ERICH6: variants seen among roughly 807,000 people sequenced by gnomAD.
ERICH6 encodes the protein glutamate rich 6, also known as glutamate-rich protein 6.
Under a neutral mutation model 71.0 loss-of-function variants are expected in ERICH6, and 71 were observed. The ratio of observed to expected loss-of-function variants is 1.00; its 90% confidence interval spans 0.83 to 1.22. ERICH6 has a LOEUF of 1.22. ERICH6 is among the 50% of genes most tolerant of loss of function. The probability of loss-of-function intolerance (pLI) is 0.00; values close to 1 mark genes in which losing one functional copy is unlikely to be tolerated. For missense variants in ERICH6, 808 were observed against 797.2 expected (o/e 1.01, Z -0.16); for synonymous variants, 262 against 278.4 (o/e 0.94, Z 0.59).
intron 3 of ERICH6, among the ~76,000 whole-genome samples, chr3:150,691,040 A>G (rs112814113): frequency 1.8e-4 from 28 of 152,232 alleles, no homozygotes; most frequent in African/African-American, 6.5e-4. Flanking sequence ...AGTTCAGCGT[A>G]TGCCCAGGAA....
intron 8 of ERICH6, 105 bp from the exon 9 acceptor site, chr3:150,680,643 C>A: frequency 6.4e-7 from 1 of 1,556,088 alleles, no homozygotes; most frequent in South Asian, 1.2e-5. Context: ...TCTGTTTGAT[C>A]TGTTATTACT....
At chr3:150,673,450 A>G (rs1024394666) in intron 11 of ERICH6, among the ~76,000 whole-genome samples, 18 of 152,074 alleles carry the variant, frequency 1.2e-4, no homozygotes, top group African/African-American at 4.1e-4. Flanking sequence ...CAGCCTCCCA[A>G]AGTGCTGGGA....
chr3:150,702,504 C>G (rs967816109), intron 1 of ERICH6, among the ~76,000 whole-genome samples: 7 of 152,078 alleles, frequency 4.6e-5, no homozygotes, highest in African/African-American at 1.7e-4. Flanking sequence ...TCTCGATCTC[C>G]CGACCTCGTG....
chr3:150,686,411 A>G, intron 3 of ERICH6, 57 bp from the exon 4 acceptor site: 1 of 1,399,886 alleles, frequency 7.1e-7, no homozygotes. Flanking sequence ...GAAGCTGAAT[A>G]TAAAAGAAAA....
chr3:150,680,660 T>A, intron 8 of ERICH6, 113 bp downstream of exon 8: 1 of 1,554,492 alleles, frequency 6.4e-7, no homozygotes, highest in Non-Finnish European at 8.7e-7. Context: ...TACTTGTGAA[T>A]CTAGGAAATA....
intron 6 of ERICH6, among the ~76,000 whole-genome samples, chr3:150,683,193 C>T (rs890983318): frequency 3.9e-5 from 6 of 152,196 alleles, no homozygotes; most frequent in Non-Finnish European, 7.3e-5. Context: ...TTCACTACCC[C>T]AGAGTAATGT....
At position 150,685,988 on chromosome 3, in the gene ERICH6, A is replaced by C; in HGVS notation, c.644T>G (p.Leu215Arg). Residue 215 changes from leucine to arginine, a missense_variant, in exon 5 of 14, where the codon CTA (leucine) becomes CGA (arginine). This residue lies in a region of ERICH6 where 736 missense variants were observed against 712.2 expected (regional missense o/e 1.03). Transcript: ENST00000295910. The part of the protein sequence containing the change: ...KWVINPEESK[L>R]NILYELEFKE... Reference sequence around the variant, plus strand: ...TACCTCCAGCTCATATAAAATATTTAGTTTCGACTCTTCTGGATTAATTAC... The same window carrying C: ...TACCTCCAGCTCATATAAAATATTTCGTTTCGACTCTTCTGGATTAATTAC... 6.2e-7 allele frequency: 1 copy of C among 1,604,116 alleles called. No homozygotes were observed. Among genetic ancestry groups the C allele is most frequent in the Non-Finnish European group, 8.5e-7 (1 of 1,170,822 alleles).
intron 13 of ERICH6, among the ~76,000 whole-genome samples, chr3:150,664,095 G>T (rs1490086150): frequency 6.6e-6 from 1 of 152,090 alleles, no homozygotes; most frequent in East Asian, 1.9e-4. Flanking sequence ...AACAGCCTGT[G>T]AGGTACAGGG....
chr3:150,678,948 G>A (rs1254323307), intron 9 of ERICH6, among the ~76,000 whole-genome samples: 1 of 146,494 alleles, frequency 6.8e-6, no homozygotes, highest in Non-Finnish European at 1.5e-5. Context: ...GGCTAAGGCA[G>A]GAAAATTGAA....
chr3:150,698,883 C>A lies in ERICH6; in HGVS notation c.462-1G>T, dbSNP rs1712755057. 6.2e-7 allele frequency: 1 copy of A among 1,612,486 alleles called. No individual in the cohort carries two copies. On this transcript the variant is annotated splice_acceptor_variant, in intron 2 of 13. Transcript: ENST00000295910. LOFTEE classifies it high-confidence loss of function. ...TGGAGACAAATTGCGATGAATATTT[C>A]TGAAATTTCGACAAAAATGTTTTGA...
chr3:150,674,517 CA>C (rs1211334987), intron 10 of ERICH6, among the ~76,000 whole-genome samples: 1 of 152,160 alleles, frequency 6.6e-6, no homozygotes, highest in Non-Finnish European at 1.5e-5. Flanking sequence ...TGGTAGAACA[CA>C]TCCTCCTTTC....
chr3:150,686,506 G>A (rs112939391), intron 3 of ERICH6, 152 bp from the exon 4 acceptor site: 5 of 672,190 alleles, frequency 7.4e-6, no homozygotes, highest in South Asian at 4.0e-5. Context: ...ACATTTTGCC[G>A]ACAATAAGGA....
At chr3:150,669,114 T>A (rs1301650750) in intron 12 of ERICH6, among the ~76,000 whole-genome samples, 182 bp downstream of exon 12, 1 of 152,234 alleles carries the variant, frequency 6.6e-6, no homozygotes, top group African/African-American at 2.4e-5. Flanking sequence ...GCTTGGGATT[T>A]TTCCACTGAA....
At chr3:150,680,722 C>A in intron 8 of ERICH6, 51 bp downstream of exon 8, 1 of 1,567,286 alleles carries the variant, frequency 6.4e-7, no homozygotes, top group Non-Finnish European at 8.6e-7. Context: ...ACAAAACGAG[C>A]TCCGATTAAG....
chr3:150,679,393 A>G (rs1419078994), intron 9 of ERICH6, among the ~76,000 whole-genome samples: 2 of 152,024 alleles, frequency 1.3e-5, no homozygotes, highest in East Asian at 1.9e-4. Context: ...CTGAATCCCT[A>G]AAGTCCATTG....
chr3:150,681,212 A>G (rs1223166436), intron 7 of ERICH6, among the ~76,000 whole-genome samples: 1 of 152,210 alleles, frequency 6.6e-6, no homozygotes, highest in East Asian at 1.9e-4. Flanking sequence ...TCTTCTTCAC[A>G]GCCCCTGGCA....
At chr3:150,694,702 G>A (rs1371897088) in intron 3 of ERICH6, among the ~76,000 whole-genome samples, 1 of 152,168 alleles carries the variant, frequency 6.6e-6, no homozygotes, top group Non-Finnish European at 1.5e-5. Context: ...TTCTGGGCAT[G>A]TGCTTAACCA....
At chr3:150,681,003 A>G (rs1352221912) in intron 7 of ERICH6, 73 bp from the exon 8 acceptor site, 1 of 1,449,756 alleles carries the variant, frequency 6.9e-7, no homozygotes, top group Non-Finnish European at 9.2e-7. Context: ...AAAATGACTA[A>G]CAAGGTTTGG....
chr3:150,669,277 C>A lies in ERICH6; in HGVS notation c.1499+19G>T. 1 of 1,561,014 alleles carries A rather than the reference C, an allele frequency of 6.4e-7. No individual in the cohort carries two copies. Among genetic ancestry groups the A allele is most frequent in the East Asian group, 2.3e-5 (1 of 43,696 alleles). The stretch of plus-strand genomic sequence containing the variant: ...AACAAAAGCCACAAAATGGCAGCAG[C>A]AGGAACCTAGAAGCTTACCAGACAT... On this transcript the variant is annotated intron_variant, in intron 12 of 13. Transcript: ENST00000295910.
Sources: gnomAD v4.1 joint callset for allele counts (sites outside exome capture counted in the v4.1 genomes callset) on GRCh38, gnomAD v4.1.1 for gene constraint, gnomAD v4.1.1 regional missense constraint, MANE v1.5 for transcripts, NCBI Gene and HGNC (gene_info 2026-07-23, HGNC 2026-07-21) for gene names.